CCDC7: variants seen among roughly 807,000 people sequenced by gnomAD.
CCDC7 encodes the protein coiled-coil domain-containing protein 7.
A neutral mutation model predicts 196.9 loss-of-function variants in CCDC7; 183 were observed. That is an observed-to-expected ratio of 0.93 (90% CI 0.82 to 1.05). The LOEUF (loss-of-function observed/expected upper bound fraction) is 1.05. Among genes scored for constraint, CCDC7 ranks in the 50% least tolerant of loss-of-function variants. CCDC7 has a pLI of 0.00. For synonymous variants in CCDC7, 525 were observed against 484.6 expected, an observed-to-expected ratio of 1.08 and a Z score of -1.10; for missense variants, 1,540 against 1,482.2, an observed-to-expected ratio of 1.04 and a Z score of -0.64.
chr10:32,793,273 A>C (rs2083012126), intron 29 of CCDC7, among the ~76,000 whole-genome samples: 1 of 152,206 alleles, frequency 6.6e-6, no homozygotes, highest in Non-Finnish European at 1.5e-5. Context: ...TATTCCCTTC[A>C]AGAATAAAAT....
In CCDC7 at chr10:32,587,710, A is replaced by G. The variant is rs1002925559; in HGVS notation, c.1801+3406A>G. On this transcript the variant is annotated intron_variant, in intron 18 of 41. Transcript: ENST00000639629. Reference sequence around the variant, plus strand: ...ATATGAATCATCTGTGAATAAAGATAGTTTTACTTCTTCCTTTCCAATTTG... The same window carrying G: ...ATATGAATCATCTGTGAATAAAGATGGTTTTACTTCTTCCTTTCCAATTTG... 3.9e-5 allele frequency among the ~76,000 whole-genome samples: 6 copies of G among 152,224 alleles called. 1 individual carries two copies. The highest frequency in any genetic ancestry group is 1.4e-4 in the African/African-American group (6 of 41,464).
intron 6 of CCDC7, 104 bp downstream of exon 7, chr10:32,471,334 G>A: frequency 7.5e-7 from 1 of 1,342,054 alleles, no homozygotes; most frequent in Non-Finnish European, 9.9e-7. Context: ...TATACACAGA[G>A]CTTCTTAGTC....
chr10:32,792,753 T>A (rs959083360), intron 29 of CCDC7, among the ~76,000 whole-genome samples: 4 of 152,148 alleles, frequency 2.6e-5, no homozygotes, highest in African/African-American at 9.7e-5. Context: ...TGAGCCGAGA[T>A]CACGCCATTG....
chr10:32,650,835 C>G (rs1196399711), intron 20 of CCDC7, among the ~76,000 whole-genome samples: 1 of 152,166 alleles, frequency 6.6e-6, no homozygotes, highest in East Asian at 1.9e-4. Context: ...TGCCAGAATG[C>G]ACTCAGGTGG....
At chr10:32,596,420 A>G (rs1003942691) in intron 18 of CCDC7, among the ~76,000 whole-genome samples, 33 of 151,648 alleles carry the variant, frequency 2.2e-4, no homozygotes, top group South Asian at 8.3e-4. Flanking sequence ...TTTTGAGCCT[A>G]TGTGTGTCTC....
chr10:32,699,983 A>C (rs906745951), intron 24 of CCDC7, among the ~76,000 whole-genome samples: 2 of 148,920 alleles, frequency 1.3e-5, no homozygotes, highest in African/African-American at 5.2e-5. Flanking sequence ...GATTGCAAAA[A>C]TTTTCTCCCA....
chr10:32,570,058 C>T (rs1386232375), intron 15 of CCDC7, among the ~76,000 whole-genome samples: 1 of 152,050 alleles, frequency 6.6e-6, no homozygotes, highest in Non-Finnish European at 1.5e-5. Context: ...CGAATAACAC[C>T]TAATTTCCAG....
chr10:32,871,566 G>T (rs2094432192), intron 41 of CCDC7, among the ~76,000 whole-genome samples: 1 of 151,242 alleles, frequency 6.6e-6, no homozygotes, highest in South Asian at 2.1e-4. Context: ...TGGATTCATT[G>T]ATTTTTTGAA....
chr10:32,655,256 G>A (rs2069577924), intron 20 of CCDC7, among the ~76,000 whole-genome samples: 1 of 151,704 alleles, frequency 6.6e-6, no homozygotes, highest in South Asian at 2.1e-4. Context: ...ATGGAATTAG[G>A]GCATATTAAC....
chr10:32,709,867 CATT>C (rs1175598067), intron 24 of CCDC7, among the ~76,000 whole-genome samples: 1 of 113,484 alleles, frequency 8.8e-6, no homozygotes, highest in Non-Finnish European at 2.1e-5. Flanking sequence ...AAAATCTTAT[CATT>C]GACTGCTCTC....
Position 32,581,423 on chromosome 10 carries a change from C to G in CCDC7, c.1455-1611C>G, listed in dbSNP as rs190969389. ...TGCTGTTCTCCTCCTCCTCCTCCTT[C>G]AACTCCTCCTCTTCCTTCTCCTCAT... is the stretch of plus-strand genomic sequence containing the variant. On this transcript the variant is annotated intron_variant, in intron 16 of 41. Transcript: ENST00000639629. 4.3e-3 allele frequency among the ~76,000 whole-genome samples: 659 copies of G among 152,176 alleles called. 6 individuals are homozygous for G. Among genetic ancestry groups the G allele is most frequent in the African/African-American group, 0.015 (622 of 41,508 alleles).
intron 9 of CCDC7, among the ~76,000 whole-genome samples, chr10:32,509,328 G>A (rs181305027): frequency 7.2e-5 from 11 of 152,234 alleles, no homozygotes; most frequent in African/African-American, 2.4e-4. Flanking sequence ...TCCAACAAAT[G>A]ATACTGGGAA....
At chr10:32,482,538 T>A (rs2040176837) in intron 8 of CCDC7, among the ~76,000 whole-genome samples, 1 of 152,210 alleles carries the variant, frequency 6.6e-6, no homozygotes, top group Admixed American at 6.5e-5. Flanking sequence ...AGGGTACATG[T>A]GCACAACGTG....
intron 41 of CCDC7, among the ~76,000 whole-genome samples, chr10:32,859,375 A>G (rs2093883855): frequency 6.6e-6 from 1 of 152,222 alleles, no homozygotes; most frequent in South Asian, 2.1e-4. Context: ...ACCAATGAGA[A>G]CAAAGACAGA....
At chr10:32,560,569 C>G (rs1232425887) in intron 13 of CCDC7, among the ~76,000 whole-genome samples, 3 of 152,218 alleles carry the variant, frequency 2.0e-5, no homozygotes, top group African/African-American at 7.2e-5. Context: ...TCCAGCCAAA[C>G]TAAGCTTCAT....
At chr10:32,557,695 A>T (rs1564639348) in intron 13 of CCDC7, among the ~76,000 whole-genome samples, 1 of 148,712 alleles carries the variant, frequency 6.7e-6, no homozygotes, top group Non-Finnish European at 1.5e-5. Flanking sequence ...CCATTTGACT[A>T]TTTTTTTTTT....
At position 32,532,947 on chromosome 10, in the gene CCDC7, C is replaced by T. The variant is rs150385635; in HGVS notation, c.994-10353C>T. On this transcript the variant is annotated intron_variant, in intron 11 of 41. Transcript: ENST00000639629. ...ATGGGTTTTAATTGAAGAATTGAGA[C>T]CATTTACACTCAGTGTTATTGTTTA... Among the ~76,000 whole-genome samples, 902 of 151,954 alleles carry T rather than the reference C, an allele frequency of 5.9e-3. 9 individuals are homozygous for T. Among genetic ancestry groups the T allele is most frequent in the African/African-American group, 0.021 (860 of 41,486 alleles).
At chr10:32,709,709 C>G (rs2080486686) in intron 24 of CCDC7, among the ~76,000 whole-genome samples, 1 of 152,112 alleles carries the variant, frequency 6.6e-6, no homozygotes, top group Non-Finnish European at 1.5e-5. Flanking sequence ...GGCCAGAGAC[C>G]AGTACTGGTC....
At chr10:32,469,391 A>T (rs1476104015) in intron 5 of CCDC7, among the ~76,000 whole-genome samples, 1 of 152,266 alleles carries the variant, frequency 6.6e-6, no homozygotes, top group Non-Finnish European at 1.5e-5. Context: ...CCAGCAACGC[A>T]GGGCTAAGAT....
Sources: allele counts gnomAD v4.1 joint callset (sites outside exome capture counted in the v4.1 genomes callset), GRCh38; gene constraint gnomAD v4.1.1; transcripts MANE v1.5; gene names NCBI Gene and HGNC (gene_info 2026-07-23, HGNC 2026-07-21).